RTN4RL1: variants seen among roughly 807,000 people sequenced by gnomAD.
RTN4RL1 encodes the protein reticulon 4 receptor like 1.
A neutral mutation model predicts 25.6 loss-of-function variants in RTN4RL1; 7 were observed. That is an observed-to-expected ratio of 0.27 (90% CI 0.16 to 0.51). The LOEUF is 0.51. RTN4RL1 is among the 20% of genes least tolerant of loss of function. RTN4RL1 has a pLI of 0.97. For missense variants in RTN4RL1, 500 were observed against 615.6 expected (o/e 0.81, Z 1.99); for synonymous variants, 297 against 288.2 (o/e 1.03, Z -0.31).
chr17:1,966,034 C>T, intron 1 of RTN4RL1, among the ~76,000 whole-genome samples: 1 of 152,164 alleles, frequency 6.6e-6, no homozygotes, highest in East Asian at 1.9e-4. Context: ...TCACGAGCGG[C>T]TCTGGAGCTA....
chr17:1,987,102 C>A (rs925860221), intron 1 of RTN4RL1, among the ~76,000 whole-genome samples: 2 of 152,144 alleles, frequency 1.3e-5, no homozygotes, highest in Non-Finnish European at 2.9e-5. Context: ...CTGTAGGCAG[C>A]CATTTATTAC....
chr17:1,998,938 T>G lies in RTN4RL1; in HGVS notation c.13+25915A>C, dbSNP rs908755004. 6.6e-6 allele frequency among the ~76,000 whole-genome samples: 1 copy of G among 152,104 alleles called. No homozygotes were observed. The highest frequency in any genetic ancestry group is 1.5e-5 in the Non-Finnish European group (1 of 68,014). Reference sequence around the variant, plus strand: ...CACAGGCCCTGCCCTCACCGAGGGTTCCAGTCGGCTGTGCACAACTGAAGA... The same window carrying G: ...CACAGGCCCTGCCCTCACCGAGGGTGCCAGTCGGCTGTGCACAACTGAAGA... On this transcript the variant is annotated intron_variant, in intron 1 of 1. Transcript: ENST00000331238. The surrounding 1 kb of genome is among the most constrained non-coding windows in gnomAD (Gnocchi z 4.9).
chr17:1,968,391 G>A (rs140895085), intron 1 of RTN4RL1, among the ~76,000 whole-genome samples: 12 of 152,056 alleles, frequency 7.9e-5, no homozygotes, highest in East Asian at 1.9e-4. Flanking sequence ...CGGGCCGGCC[G>A]TCCTCTCTCC....
intron 1 of RTN4RL1, chr17:1,995,709 C>T (rs1429041505): frequency 6.6e-6 from 1 of 152,278 alleles, no homozygotes; most frequent in Non-Finnish European, 1.5e-5. Context: ...CAAAGGTAAA[C>T]AAGTCCTTAT....
chr17:1,992,094 G>A (rs1322153197), intron 1 of RTN4RL1, among the ~76,000 whole-genome samples: 4 of 152,166 alleles, frequency 2.6e-5, no homozygotes, highest in African/African-American at 4.8e-5. Context: ...GCCGGGCGCA[G>A]TGGCTCACGC....
chr17:1,966,339 A>G (rs549252843), intron 1 of RTN4RL1, among the ~76,000 whole-genome samples: 10 of 152,260 alleles, frequency 6.6e-5, no homozygotes, highest in Non-Finnish European at 1.2e-4. Flanking sequence ...CTCTCCTGTC[A>G]GGAGCAAGCC....
chr17:1,988,215 G>A (rs539465537), intron 1 of RTN4RL1, among the ~76,000 whole-genome samples: 11 of 152,048 alleles, frequency 7.2e-5, no homozygotes, highest in African/African-American at 2.4e-4. Context: ...TCAAGAGATC[G>A]AGACCATCCT....
intron 1 of RTN4RL1, among the ~76,000 whole-genome samples, chr17:2,004,119 A>AG (rs2066977317): frequency 6.6e-6 from 1 of 151,552 alleles, no homozygotes; most frequent in African/African-American, 2.4e-5. Flanking sequence ...CTGTAATCCC[A>AG]GCACTTTGGG....
intron 1 of RTN4RL1, among the ~76,000 whole-genome samples, chr17:1,978,950 C>G (rs1191073592): frequency 1.3e-5 from 2 of 152,302 alleles, no homozygotes; most frequent in East Asian, 3.9e-4. Flanking sequence ...AAGGTGTGGC[C>G]CCCTCATCTG....
chr17:1,982,575 C>T (rs941260660), intron 1 of RTN4RL1, among the ~76,000 whole-genome samples: 11 of 152,118 alleles, frequency 7.2e-5, no homozygotes, highest in Admixed American at 1.3e-4. Flanking sequence ...GATCGCGCCA[C>T]TGCACTCCAG....
chr17:1,945,438 G>A (rs1915516214), intron 1 of RTN4RL1, among the ~76,000 whole-genome samples: 1 of 152,126 alleles, frequency 6.6e-6, no homozygotes, highest in Non-Finnish European at 1.5e-5. Flanking sequence ...GGCCAGGCTG[G>A]TCTTGAACTC....
At chr17:1,971,777 A>G (rs937141015) in intron 1 of RTN4RL1, among the ~76,000 whole-genome samples, 1 of 151,930 alleles carries the variant, frequency 6.6e-6, no homozygotes, top group Non-Finnish European at 1.5e-5. Context: ...CCTAGCTAAC[A>G]TGGTGAAACC....
At chr17:1,942,308 C>A (rs1387016505) in intron 1 of RTN4RL1, among the ~76,000 whole-genome samples, 2 of 152,106 alleles carry the variant, frequency 1.3e-5, no homozygotes, top group African/African-American at 2.4e-5. Flanking sequence ...TCAACACTTG[C>A]TGCCTGAGCC....
At chr17:1,945,371 C>G (rs561433255) in intron 1 of RTN4RL1, among the ~76,000 whole-genome samples, 1 of 152,004 alleles carries the variant, frequency 6.6e-6, no homozygotes, top group African/African-American at 2.4e-5. Flanking sequence ...TACAGGTGCC[C>G]GCCACCATGC....
intron 1 of RTN4RL1, among the ~76,000 whole-genome samples, chr17:1,950,150 G>C (rs1012554861): frequency 2.6e-5 from 4 of 152,216 alleles, no homozygotes; most frequent in African/African-American, 9.6e-5. Context: ...TGCATTTGGA[G>C]GGTGAGTTGG....
chr17:1,967,539 C>G (rs777143229), intron 1 of RTN4RL1, among the ~76,000 whole-genome samples: 13 of 151,800 alleles, frequency 8.6e-5, no homozygotes, highest in Non-Finnish European at 1.8e-4. Context: ...CGCCTCCTCC[C>G]TGGCCTCTCC....
At chr17:2,020,193 C>A (rs1261806552) in intron 1 of RTN4RL1, 1 of 152,184 alleles carries the variant, frequency 6.6e-6, no homozygotes. Flanking sequence ...ACTTCTGCAC[C>A]TGGATTTGGG....
intron 1 of RTN4RL1, among the ~76,000 whole-genome samples, chr17:2,023,911 T>C (rs2067242733): frequency 6.6e-6 from 1 of 151,222 alleles, no homozygotes; most frequent in African/African-American, 2.4e-5. Context: ...CTCAGCCTCC[T>C]GGCCGGGCCA....
At position 1,936,424 on chromosome 17, in the gene RTN4RL1, TA is replaced by T. The variant is rs928589195; in HGVS notation, c.*71del. ...GAAACCCAGCAGATCTTCCACTTGT[TA>T]AAAAAAGAAGAAAATAAATTCTGTT... On this transcript the variant is annotated 3_prime_UTR_variant, in exon 2 of 2. Transcript: ENST00000331238. 34 of 1,464,100 alleles carry T rather than the reference TA, an allele frequency of 2.3e-5. No individual in the cohort carries two copies. Among genetic ancestry groups the T allele is most frequent in the Non-Finnish European group, 2.9e-5 (32 of 1,113,568 alleles). 90.7% of individuals were successfully genotyped at this position (1,464,100 alleles called of 1,614,324 possible).
Sources: gnomAD v4.1 joint callset for allele counts (sites outside exome capture counted in the v4.1 genomes callset) on GRCh38, gnomAD v4.1.1 for gene constraint, Gnocchi (gnomAD v3.1) non-coding constraint, MANE v1.5 for transcripts, NCBI Gene and HGNC (gene_info 2026-07-23, HGNC 2026-07-21) for gene names.